Variants in MCTP1 observed in about 807,000 individuals in gnomAD.
MCTP1 encodes multiple C2 and transmembrane domain-containing protein 1.
Under a neutral mutation model 120.6 loss-of-function variants are expected in MCTP1, and 69 were observed. The ratio of observed to expected loss-of-function variants is 0.57; its 90% CI spans 0.47 to 0.70. MCTP1 has a LOEUF of 0.70. Ranked by LOEUF, MCTP1 falls within the 30% of genes least tolerant of loss-of-function variation. The pLI is 0.00. For missense variants in MCTP1, 1,203 were observed against 1,248.8 expected (o/e 0.96, Z 0.55); for synonymous variants, 529 against 493.1 (o/e 1.07, Z -0.96).
intron 1 of MCTP1, among the ~76,000 whole-genome samples, chr5:95,057,925 G>T (rs1472992033): frequency 6.6e-6 from 1 of 152,116 alleles, no homozygotes; most frequent in African/African-American, 2.4e-5. Flanking sequence ...CCATTTCATA[G>T]AACTTATTCC....
intron 1 of MCTP1, among the ~76,000 whole-genome samples, chr5:95,127,662 G>T (rs531749391): frequency 2.6e-4 from 40 of 152,116 alleles, no homozygotes; most frequent in African/African-American, 9.2e-4. Flanking sequence ...AAAAAGAACC[G>T]GGGAAGGAAG....
At chr5:95,151,006 T>C (rs1760846401) in intron 1 of MCTP1, among the ~76,000 whole-genome samples, 2 of 151,910 alleles carry the variant, frequency 1.3e-5, no homozygotes, top group South Asian at 4.2e-4. Flanking sequence ...TCTTGCTCTG[T>C]TGCCCAGGCT....
At position 95,204,346 on chromosome 5, in the gene MCTP1, A is replaced by T. The variant is rs73776315; in HGVS notation, c.720+79510T>A. On this transcript the variant is annotated intron_variant, in intron 1 of 22. Transcript: ENST00000515393. Reference sequence around the variant, plus strand: ...GAGGAAGCAAAGAAGCATCCAACAAATTAAGATTAAAAGGGAGCATCCTCA... The same window carrying T: ...GAGGAAGCAAAGAAGCATCCAACAATTTAAGATTAAAAGGGAGCATCCTCA... 2.1e-3 allele frequency among the ~76,000 whole-genome samples: 318 copies of T among 152,256 alleles called. 1 individual carries two copies. Among genetic ancestry groups the T allele is most frequent in the African/African-American group, 6.8e-3 (283 of 41,566 alleles).
intron 22 of MCTP1, among the ~76,000 whole-genome samples, chr5:94,707,841 T>C (rs910634807): frequency 2.6e-5 from 4 of 151,884 alleles, no homozygotes; most frequent in African/African-American, 7.3e-5. Flanking sequence ...TCTACATCAA[T>C]TTTTTAAAGG....
intron 19 of MCTP1, among the ~76,000 whole-genome samples, chr5:94,763,070 A>C (rs1194268546): frequency 6.6e-6 from 1 of 152,166 alleles, no homozygotes; most frequent in East Asian, 1.9e-4. Flanking sequence ...CTATTTAAAA[A>C]TCTCTCAAAT....
intron 19 of MCTP1, among the ~76,000 whole-genome samples, chr5:94,746,303 C>A (rs6874244): frequency 0.25 from 37,383 of 152,064 alleles, 4,938 homozygotes; most frequent in African/African-American, 0.34. Flanking sequence ...AAATGACTCA[C>A]AGCCCTCTAT....
chr5:94,733,683 G>A (rs923191908), intron 19 of MCTP1, among the ~76,000 whole-genome samples: 1 of 151,994 alleles, frequency 6.6e-6, no homozygotes, highest in African/African-American at 2.4e-5. Flanking sequence ...ACCTCAGTAT[G>A]GCCGGGCACC....
intron 1 of MCTP1, among the ~76,000 whole-genome samples, chr5:95,200,400 T>C (rs1429124786): frequency 1.3e-5 from 2 of 152,220 alleles, no homozygotes; most frequent in Non-Finnish European, 2.9e-5. Flanking sequence ...TACACTCTCA[T>C]GTTCTTTGCA....
At chr5:94,903,159 T>A (rs905332960) in intron 10 of MCTP1, among the ~76,000 whole-genome samples, 1 of 148,236 alleles carries the variant, frequency 6.7e-6, no homozygotes, top group African/African-American at 2.5e-5. Context: ...TAAAAAAAAA[T>A]AGTAAAATAC....
At chr5:94,864,073 A>T (rs1345171708) in intron 17 of MCTP1, among the ~76,000 whole-genome samples, 1 of 151,878 alleles carries the variant, frequency 6.6e-6, no homozygotes, top group Non-Finnish European at 1.5e-5. Context: ...GCTTCGATGA[A>T]TTGCCATAGA....
At chr5:95,199,749 C>T (rs1342715307) in intron 1 of MCTP1, among the ~76,000 whole-genome samples, 1 of 151,662 alleles carries the variant, frequency 6.6e-6, no homozygotes, top group Non-Finnish European at 1.5e-5. Flanking sequence ...ATCCCAGCTA[C>T]TCAGGAGGCT....
Position 94,860,227 on chromosome 5 carries a change from G to A in MCTP1, c.2436+8106C>T, listed in dbSNP as rs188203215. 4.7e-3 allele frequency among the ~76,000 whole-genome samples: 715 copies of A among 151,516 alleles called. 6 individuals carry two copies. Among genetic ancestry groups the A allele is most frequent in the African/African-American group, 0.016 (653 of 41,404 alleles). On this transcript the variant is annotated intron_variant, in intron 17 of 22. Coordinates refer to ENST00000515393, the MANE Select transcript of MCTP1 (RefSeq NM_024717.7). ...TTCCAATGAAGATCTAATAGGTAAC[G>A]AAACCTAAGGAAATATATGTTTATA... is the stretch of plus-strand genomic sequence containing the variant.
intron 1 of MCTP1, among the ~76,000 whole-genome samples, chr5:95,266,031 G>A (rs1021270238): frequency 8.5e-5 from 13 of 152,148 alleles, no homozygotes; most frequent in African/African-American, 2.4e-4. Context: ...CCCCATATTA[G>A]CAAGAAACTC....
intron 1 of MCTP1, among the ~76,000 whole-genome samples, chr5:95,112,965 T>G (rs1440316910): frequency 6.6e-6 from 1 of 152,220 alleles, no homozygotes; most frequent in Non-Finnish European, 1.5e-5. Flanking sequence ...CGACTTTTAG[T>G]AATTTACATT....
At chr5:94,755,958 T>C (rs1253916168) in intron 19 of MCTP1, among the ~76,000 whole-genome samples, 1 of 152,210 alleles carries the variant, frequency 6.6e-6, no homozygotes, top group African/African-American at 2.4e-5. Context: ...AAGTAATTTT[T>C]TTCCCTCTAA....
chr5:95,069,457 T>TTG (rs1751537616), intron 1 of MCTP1, among the ~76,000 whole-genome samples: 2 of 152,032 alleles, frequency 1.3e-5, no homozygotes, highest in South Asian at 4.2e-4. Flanking sequence ...TTTTTTTTTT[T>TTG]TTCAGAATAA....
chr5:94,980,387 A>G (rs1581679754), intron 2 of MCTP1, among the ~76,000 whole-genome samples: 1 of 152,184 alleles, frequency 6.6e-6, no homozygotes. Context: ...AATTCTAGTT[A>G]CAAACCCAGT....
At position 95,099,697 on chromosome 5, in the gene MCTP1, T is replaced by C. The variant is rs1475533268; in HGVS notation, c.721-82213A>G. On this transcript the variant is annotated intron_variant, in intron 1 of 22. Coordinates refer to ENST00000515393, the MANE Select transcript of MCTP1 (RefSeq NM_024717.7). The stretch of plus-strand genomic sequence containing the variant: ...GTGGGACTGTAAACTAGTTCGACCA[T>C]TGTGGAAGTCAGTGCGGCGATTCCT... 1.5e-4 allele frequency among the ~76,000 whole-genome samples: 23 copies of C among 151,678 alleles called. No individual in the cohort carries two copies. The East Asian group carries it at 4.3e-3, about 28-fold the overall frequency.
chr5:94,734,551 G>A (rs1228957197), intron 19 of MCTP1, among the ~76,000 whole-genome samples: 2 of 152,098 alleles, frequency 1.3e-5, no homozygotes, highest in Non-Finnish European at 2.9e-5. Context: ...ACATTTGTTG[G>A]GCCTAAAGTA....
Sources: gnomAD v4.1 joint callset for allele counts (sites outside exome capture counted in the v4.1 genomes callset) on GRCh38, gnomAD v4.1.1 for gene constraint, MANE v1.5 for transcripts, NCBI Gene and HGNC (gene_info 2026-07-23, HGNC 2026-07-21) for gene names.